DGKH: variants seen among roughly 807,000 people sequenced by gnomAD.
The protein encoded by DGKH is diacylglycerol kinase eta.
Under a neutral mutation model 159.3 loss-of-function variants are expected in DGKH, and 90 were observed. The ratio of observed to expected loss-of-function variants is 0.57; its 90% CI spans 0.48 to 0.67. The LOEUF is 0.67. Among genes scored for constraint, DGKH ranks in the 30% least tolerant of loss-of-function variants. The probability of loss-of-function intolerance (pLI) is 0.00; values close to 1 mark genes in which losing one functional copy is unlikely to be tolerated. For synonymous variants in DGKH, 536 were observed against 553.8 expected, an observed-to-expected ratio of 0.97 and a Z score of 0.45; for missense variants, 1,181 against 1,506.1, an observed-to-expected ratio of 0.78 and a Z score of 3.57.
chr13:42,223,426 T>G (rs953165607), intron 29 of DGKH, among the ~76,000 whole-genome samples: 11 of 152,138 alleles, frequency 7.2e-5, no homozygotes, highest in Admixed American at 7.2e-4. Context: ...TCAATCTCTG[T>G]TTTTGCTTTT....
intron 23 of DGKH, 50 bp downstream of exon 23, chr13:42,209,515 C>A: frequency 6.8e-7 from 1 of 1,477,788 alleles, no homozygotes. Flanking sequence ...TTTAAAGAAT[C>A]TGAAATTGTT....
chr13:42,131,794 A>G (rs565643653), intron 3 of DGKH, among the ~76,000 whole-genome samples: 9 of 152,334 alleles, frequency 5.9e-5, no homozygotes, highest in African/African-American at 2.2e-4. Flanking sequence ...AGATTGCTAG[A>G]TATTTGAGGG....
At chr13:42,216,576 TA>T in intron 26 of DGKH, 1 of 152,224 alleles carries the variant, frequency 6.6e-6, no homozygotes, top group East Asian at 1.9e-4. Flanking sequence ...TGCCTGAGCT[TA>T]GGGTTTCTGT....
intron 1 of DGKH, chr13:42,070,090 A>T (rs764476741): frequency 1.0e-6 from 1 of 960,248 alleles, no homozygotes; most frequent in South Asian, 1.3e-5. Context: ...TTCATCTTCA[A>T]TATGAAAAGG....
rs188315731 is a variant in DGKH at position 42,219,522 on chromosome 13, T to C, written c.3334-164T>C. On this transcript the variant is annotated intron_variant, in intron 27 of 29. Transcript: ENST00000337343. ...TTTATGTGAACGCATTTTAGGGGAA[T>C]TGGGACATTTTTAGTAGTACATTGT... Among the ~76,000 whole-genome samples the C allele has an allele frequency of 2.6e-4, 40 of 152,366 alleles. 1 individual carries two copies. Among genetic ancestry groups the C allele is most frequent in the Admixed American group, 2.4e-3 (36 of 15,306 alleles).
intron 1 of DGKH, among the ~76,000 whole-genome samples, chr13:42,055,155 C>G (rs1390440656): frequency 6.6e-6 from 1 of 152,148 alleles, no homozygotes; most frequent in Non-Finnish European, 1.5e-5. Flanking sequence ...CTGTAGTTTG[C>G]TGGCACCTAT....
At chr13:42,207,149 C>A (rs1453744899) in intron 21 of DGKH, among the ~76,000 whole-genome samples, 2 of 72,346 alleles carry the variant, frequency 2.8e-5, no homozygotes, top group Non-Finnish European at 5.2e-5. Flanking sequence ...TTCCTTCCTT[C>A]CTTCCTTCCT....
chr13:42,125,385 G>A (rs1955150405), intron 1 of DGKH, among the ~76,000 whole-genome samples: 1 of 152,162 alleles, frequency 6.6e-6, no homozygotes, highest in South Asian at 2.1e-4. Context: ...AGTGTGCTAA[G>A]TGCTCTACAG....
At chr13:42,208,291 G>A (rs1388429412) in intron 21 of DGKH, among the ~76,000 whole-genome samples, 2 of 152,082 alleles carry the variant, frequency 1.3e-5, no homozygotes. Context: ...AAAAGAGAGA[G>A]TAAGGTAATA....
chr13:42,250,829 A>C (rs1482302964), intron 29 of DGKH, among the ~76,000 whole-genome samples: 2 of 152,214 alleles, frequency 1.3e-5, no homozygotes, highest in Non-Finnish European at 2.9e-5. Context: ...CATGATAACA[A>C]ATTTTCAACC....
Position 42,155,817 on chromosome 13 carries a change from A to G in DGKH, c.622+18A>G, listed in dbSNP as rs770578656. On this transcript the variant is annotated intron_variant, in intron 5 of 29. Coordinates refer to ENST00000337343, the MANE Select transcript of DGKH (RefSeq NM_178009.5). ...CTGCGAAGGTACTGTAGCACCTAGC[A>G]TGTGTTTTCTCCCAACAGTAACCAT... The G allele has an allele frequency of 6.2e-7, 1 of 1,613,804 alleles. No homozygotes were observed. The highest frequency in any genetic ancestry group is 1.1e-5 in the South Asian group (1 of 91,032).
upstream of DGKH, among the ~76,000 whole-genome samples, chr13:42,045,693 CT>C (rs1880757048): frequency 6.6e-6 from 1 of 152,186 alleles, no homozygotes; most frequent in Admixed American, 6.5e-5. Context: ...CTGCAGTATT[CT>C]TTGCATGGTT....
intron 2 of DGKH, among the ~76,000 whole-genome samples, chr13:42,129,339 G>A (rs1955240315): frequency 6.6e-6 from 1 of 152,020 alleles, no homozygotes; most frequent in Non-Finnish European, 1.5e-5. Flanking sequence ...GTGTTCCCAG[G>A]GTGTCTTTAA....
chr13:42,076,655 G>A (rs1954106499), intron 1 of DGKH, among the ~76,000 whole-genome samples: 1 of 152,046 alleles, frequency 6.6e-6, no homozygotes, highest in African/African-American at 2.4e-5. Flanking sequence ...TGACCATAAT[G>A]TTTTAACATA....
chr13:42,151,499 G>GTATA lies in DGKH; in HGVS notation c.385-3791_385-3790insATAT, dbSNP rs1566134347. On this transcript the variant is annotated intron_variant, in intron 3 of 29. Coordinates refer to ENST00000337343, the MANE Select transcript of DGKH (RefSeq NM_178009.5). ...CCATGGTGTGTGTGTGTGTGTGTGT[G>GTATA]TGTGTGTATACACATGTATATATAT... 5.7e-5 allele frequency among the ~76,000 whole-genome samples: 6 copies of GTATA among 104,430 alleles called. No homozygotes were observed. The East Asian group carries it at 1.9e-3, about 34-fold the overall frequency. 68.5% of individuals were successfully genotyped at this position (104,430 alleles called of 152,430 possible). A position where few individuals can be genotyped will look rare whatever the true frequency, so the allele number is the denominator to read the frequency against.
chr13:42,063,961 A>ATATG (rs909325184), intron 1 of DGKH, among the ~76,000 whole-genome samples: 8 of 151,642 alleles, frequency 5.3e-5, no homozygotes, highest in African/African-American at 1.9e-4. Context: ...ATATATATAT[A>ATATG]TATACTGTGG....
intron 12 of DGKH, among the ~76,000 whole-genome samples, chr13:42,176,099 G>A (rs972990082): frequency 2.0e-5 from 3 of 152,138 alleles, no homozygotes; most frequent in Non-Finnish European, 2.9e-5. Flanking sequence ...TTTGAACATA[G>A]AGGCTATTTT....
In DGKH at chr13:42,155,691, T is replaced by C; in HGVS notation, c.514T>C (p.Phe172Leu). 1 of 1,614,168 alleles carries C rather than the reference T, an allele frequency of 6.2e-7. No individual in the cohort carries two copies. The highest frequency in any genetic ancestry group is 8.5e-7 in the Non-Finnish European group (1 of 1,180,024). ...GGTGGCCCAGTTTAATGTGGAACATTTCTCAGGGATGCACAACTGGTACGC... is the reference window on the plus strand; with the variant it reads ...GGTGGCCCAGTTTAATGTGGAACATCTCTCAGGGATGCACAACTGGTACGC... ...YEVAQFNVEH[F>L]SGMHNWYACS... The change falls in exon 5 of 30, where the codon TTC (phenylalanine) becomes CTC (leucine). Residue 172 changes from phenylalanine (F) to leucine (L), a missense_variant. Physicochemically the swap from Phe to Leu is conservative, Grantham distance 22. Transcript: ENST00000337343.
chr13:42,212,101 TGAAAAA>T (rs1434377248), intron 24 of DGKH, among the ~76,000 whole-genome samples: 2 of 152,166 alleles, frequency 1.3e-5, no homozygotes, highest in Non-Finnish European at 2.9e-5. Context: ...ATAAAAATGT[TGAAAAA>T]GAAAAGAAGG....
Sources: gnomAD v4.1 joint callset for allele counts (sites outside exome capture counted in the v4.1 genomes callset) on GRCh38, gnomAD v4.1.1 for gene constraint, MANE v1.5 for transcripts, NCBI Gene and HGNC (gene_info 2026-07-23, HGNC 2026-07-21) for gene names.